Variants in CSMD3 observed in about 807,000 individuals in gnomAD.
The protein encoded by CSMD3 is CUB and Sushi multiple domains 3.
Under a neutral mutation model 435.2 loss-of-function variants are expected in CSMD3, and 177 were observed. The observed-to-expected ratio is 0.41, with a 90% CI of 0.36 to 0.46. The LOEUF is 0.46. Ranked by LOEUF, CSMD3 falls within the 20% of genes least tolerant of loss-of-function variation. The pLI is 0.34. For missense variants in CSMD3, 4,265 were observed against 4,504.6 expected (o/e 0.95, Z 1.52); for synonymous variants, 1,656 against 1,520.5 (o/e 1.09, Z -2.07).
chr8:112,461,434 T>C (rs1212538058), intron 32 of CSMD3, among the ~76,000 whole-genome samples: 4 of 152,124 alleles, frequency 2.6e-5, no homozygotes, highest in African/African-American at 7.2e-5. Flanking sequence ...ATAACTTTTT[T>C]CTTTTTATTA....
At chr8:112,294,715 C>T (rs1279854306) in intron 54 of CSMD3, among the ~76,000 whole-genome samples, 1 of 152,020 alleles carries the variant, frequency 6.6e-6, no homozygotes, top group African/African-American at 2.4e-5. Flanking sequence ...TTTCAAAATA[C>T]ACTTTATTCT....
intron 24 of CSMD3, among the ~76,000 whole-genome samples, chr8:112,566,463 C>G (rs1829070915): frequency 6.6e-6 from 1 of 152,084 alleles, no homozygotes; most frequent in Non-Finnish European, 1.5e-5. Flanking sequence ...CAAGCCCGTA[C>G]TATACTCCAC....
chr8:112,364,504 C>G (rs2131138616), intron 38 of CSMD3, among the ~76,000 whole-genome samples: 1 of 152,100 alleles, frequency 6.6e-6, no homozygotes, highest in African/African-American at 2.4e-5. Context: ...TAATTCTGCT[C>G]ATTGATTTAC....
chr8:113,128,833 T>C (rs2091210359), intron 4 of CSMD3, among the ~76,000 whole-genome samples: 1 of 152,084 alleles, frequency 6.6e-6, no homozygotes, highest in Non-Finnish European at 1.5e-5. Flanking sequence ...ACAAGTAGTG[T>C]GTGGTGCTAA....
intron 27 of CSMD3, among the ~76,000 whole-genome samples, chr8:112,535,723 A>G (rs1264570221): frequency 6.6e-6 from 1 of 152,204 alleles, no homozygotes; most frequent in Non-Finnish European, 1.5e-5. Flanking sequence ...AGTCGATCCT[A>G]AGCCAAAAGA....
intron 22 of CSMD3, among the ~76,000 whole-genome samples, chr8:112,617,155 T>G (rs1833722610): frequency 6.6e-6 from 1 of 152,160 alleles, no homozygotes; most frequent in African/African-American, 2.4e-5. Flanking sequence ...CTTGACAAAT[T>G]TCAGAGTAAT....
In CSMD3 at chr8:112,357,794, A is replaced by T. The variant is rs945427293; in HGVS notation, c.6137-5260T>A. 2.0e-5 allele frequency among the ~76,000 whole-genome samples: 3 copies of T among 152,216 alleles called. No individual in the cohort carries two copies. In the East Asian group the frequency reaches 5.8e-4, roughly 29 times the overall value. Reference sequence around the variant, plus strand: ...GATGTATAGAAATGCCTGGATTTCCAGGTAGAAGTTTGCTGCAGAGGCAGG... The same window carrying T: ...GATGTATAGAAATGCCTGGATTTCCTGGTAGAAGTTTGCTGCAGAGGCAGG... On this transcript the variant is annotated intron_variant, in intron 38 of 70. Coordinates refer to ENST00000297405, the MANE Select transcript of CSMD3 (RefSeq NM_198123.2).
intron 9 of CSMD3, among the ~76,000 whole-genome samples, chr8:112,935,673 TAAG>T (rs1406648823): frequency 1.3e-5 from 2 of 151,104 alleles, no homozygotes; most frequent in African/African-American, 2.4e-5. Context: ...GAGTGGGAAA[TAAG>T]AAGAATGATC....
chr8:112,804,160 T>A (rs1013266889), intron 12 of CSMD3, among the ~76,000 whole-genome samples: 3 of 152,190 alleles, frequency 2.0e-5, no homozygotes, highest in East Asian at 1.9e-4. Context: ...TTTCTCAGAA[T>A]CTACCGGTAT....
intron 1 of CSMD3, among the ~76,000 whole-genome samples, chr8:113,321,897 A>G (rs1311027542): frequency 6.6e-6 from 1 of 152,204 alleles, no homozygotes; most frequent in Admixed American, 6.5e-5. Context: ...CTCACTGAGG[A>G]ACAATATTTC....
Position 112,919,036 on chromosome 8 carries a change from G to T in CSMD3, c.1633+2591C>A, listed in dbSNP as rs141133726. Among the ~76,000 whole-genome samples, 620 of 151,872 alleles carry T rather than the reference G, an allele frequency of 4.1e-3. 3 individuals carry two copies. The highest frequency in any genetic ancestry group is 5.5e-3 in the Non-Finnish European group (372 of 67,884). On this transcript the variant is annotated intron_variant, in intron 10 of 70. Coordinates refer to ENST00000297405, the MANE Select transcript of CSMD3 (RefSeq NM_198123.2). ...CTCCATTACTGTTTCCACTACCACC[G>T]CCAGTAATTTCTAGCAACAAAATGG... is the stretch of plus-strand genomic sequence containing the variant.
chr8:112,898,482 T>C (rs759117294), intron 10 of CSMD3, among the ~76,000 whole-genome samples: 1 of 151,300 alleles, frequency 6.6e-6, no homozygotes, highest in Non-Finnish European at 1.5e-5. Flanking sequence ...TGCTTTTTAG[T>C]AAATGGACGC....
At chr8:112,502,587 T>G (rs1267195516) in intron 30 of CSMD3, among the ~76,000 whole-genome samples, 2 of 152,226 alleles carry the variant, frequency 1.3e-5, no homozygotes, top group Non-Finnish European at 2.9e-5. Flanking sequence ...AAATTTATCG[T>G]GACCTCTTAC....
intron 27 of CSMD3, among the ~76,000 whole-genome samples, chr8:112,532,179 A>G (rs1053250350): frequency 6.6e-6 from 1 of 152,012 alleles, no homozygotes; most frequent in African/African-American, 2.4e-5. Flanking sequence ...GAAAATACAC[A>G]GTCAAAGGAT....
chr8:113,210,211 C>T lies in CSMD3; in HGVS notation c.515-36295G>A, dbSNP rs913465538. On this transcript the variant is annotated intron_variant, in intron 3 of 70. Coordinates refer to ENST00000297405, the MANE Select transcript of CSMD3 (RefSeq NM_198123.2). ...TTGTAAATATCCATTTCATTTTACACCTGATTTCCTAAACTAGAAATTTCA... is the reference window on the plus strand; with the variant it reads ...TTGTAAATATCCATTTCATTTTACATCTGATTTCCTAAACTAGAAATTTCA... Among the ~76,000 whole-genome samples, 9 of 152,146 alleles carry T rather than the reference C, an allele frequency of 5.9e-5. No individual in the cohort carries two copies. The South Asian group carries it at 1.9e-3, about 32-fold the overall frequency.
chr8:112,763,705 A>G (rs1587218105), intron 13 of CSMD3, among the ~76,000 whole-genome samples: 1 of 149,882 alleles, frequency 6.7e-6, no homozygotes, highest in East Asian at 1.9e-4. Context: ...ATTTTTTTTT[A>G]TTTTATTTAT....
chr8:112,479,787 C>G (rs1245634594), intron 31 of CSMD3, among the ~76,000 whole-genome samples: 1 of 152,230 alleles, frequency 6.6e-6, no homozygotes, highest in East Asian at 1.9e-4. Context: ...CCCGGGTGCC[C>G]AGGCAGAAGC....
chr8:112,314,192 A>T, intron 48 of CSMD3, 140 bp from the exon 49 acceptor site: 1 of 758,978 alleles, frequency 1.3e-6, no homozygotes, highest in Non-Finnish European at 2.1e-6. Context: ...AATTGAAAAC[A>T]TAAAATGTTT....
chr8:113,299,961 C>T (rs2093752120), intron 2 of CSMD3, among the ~76,000 whole-genome samples: 1 of 151,324 alleles, frequency 6.6e-6, no homozygotes, highest in African/African-American at 2.4e-5. Flanking sequence ...CACTGCACTC[C>T]AGTCTGGGTG....
Sources: allele counts gnomAD v4.1 joint callset (sites outside exome capture counted in the v4.1 genomes callset), GRCh38; gene constraint gnomAD v4.1.1; transcripts MANE v1.5; gene names NCBI Gene and HGNC (gene_info 2026-07-23, HGNC 2026-07-21).